Variants in CACNA2D1 observed in about 807,000 individuals in gnomAD.
CACNA2D1 encodes the protein voltage-dependent calcium channel subunit alpha-2/delta-1.
Under a neutral mutation model 171.5 loss-of-function variants are expected in CACNA2D1, and 53 were observed. The ratio of observed to expected loss-of-function variants is 0.31; its 90% confidence interval spans 0.25 to 0.39. The LOEUF (loss-of-function observed/expected upper bound fraction) is 0.39. CACNA2D1 is among the 10% of genes least tolerant of loss of function. CACNA2D1 has a pLI of 1.00. For missense variants in CACNA2D1, 903 were observed against 1,299.8 expected (o/e 0.69, Z 4.69); for synonymous variants, 442 against 443.1 (o/e 1.00, Z 0.03).
chr7:82,117,498 T>C (rs1184947352), intron 5 of CACNA2D1, among the ~76,000 whole-genome samples: 1 of 152,118 alleles, frequency 6.6e-6, no homozygotes. Flanking sequence ...CTTAAAGAAT[T>C]GGATAGGCCA....
chr7:81,951,726 T>G (rs1173288240), intron 38 of CACNA2D1, among the ~76,000 whole-genome samples: 3 of 152,136 alleles, frequency 2.0e-5, no homozygotes, highest in Non-Finnish European at 4.4e-5. Flanking sequence ...CCACATTTTC[T>G]TTAATCATTG....
At chr7:82,014,245 ATG>A (rs1163183041) in intron 13 of CACNA2D1, among the ~76,000 whole-genome samples, 154 bp downstream of exon 13, 1 of 152,138 alleles carries the variant, frequency 6.6e-6, no homozygotes, top group Non-Finnish European at 1.5e-5. Context: ...CAAAATTGGT[ATG>A]TGTTTTCTCT....
intron 1 of CACNA2D1, among the ~76,000 whole-genome samples, chr7:82,429,860 G>A (rs1829524514): frequency 6.6e-6 from 1 of 152,082 alleles, no homozygotes; most frequent in Non-Finnish European, 1.5e-5. Context: ...TATATCGACA[G>A]GAAAATCAGG....
intron 38 of CACNA2D1, among the ~76,000 whole-genome samples, chr7:81,952,139 C>CA (rs1792677052): frequency 6.6e-6 from 1 of 151,024 alleles, no homozygotes; most frequent in African/African-American, 2.4e-5. Context: ...TTTTTGAGAA[C>CA]TGTCTATTCA....
intron 9 of CACNA2D1, among the ~76,000 whole-genome samples, chr7:82,062,211 G>A (rs1018374263): frequency 1.3e-5 from 2 of 152,150 alleles, no homozygotes; most frequent in African/African-American, 4.8e-5. Flanking sequence ...ATCAGCCTGT[G>A]AAGCTAGAAA....
At chr7:82,339,701 G>C (rs1253300502) in intron 2 of CACNA2D1, among the ~76,000 whole-genome samples, 1 of 152,184 alleles carries the variant, frequency 6.6e-6, no homozygotes, top group Non-Finnish European at 1.5e-5. Flanking sequence ...GGTTTAAGTA[G>C]AAGTAGAACT....
In CACNA2D1 at chr7:82,288,344, ATTGT is replaced by A. The variant is rs534624924; in HGVS notation, c.294+46787_294+46790del. On this transcript the variant is annotated intron_variant, in intron 3 of 38. Transcript: ENST00000356860. ...TTTAATAAAATTACAGGAAGAGAAG[ATTGT>A]TTGGGGCAGTTAAGGTAACTGAAGG... 2.2e-3 allele frequency among the ~76,000 whole-genome samples: 332 copies of A among 152,142 alleles called. 2 individuals are homozygous for A. Among genetic ancestry groups the A allele is most frequent in the Middle Eastern group, 6.8e-3 (2 of 294 alleles).
chr7:82,022,609 A>G (rs1397687795), intron 12 of CACNA2D1, among the ~76,000 whole-genome samples: 1 of 151,856 alleles, frequency 6.6e-6, no homozygotes, highest in East Asian at 1.9e-4. Context: ...TTTCCTTACT[A>G]TCTGTTGAAA....
At chr7:82,124,739 G>T (rs958732572) in intron 5 of CACNA2D1, among the ~76,000 whole-genome samples, 4 of 152,000 alleles carry the variant, frequency 2.6e-5, no homozygotes, top group African/African-American at 7.2e-5. Flanking sequence ...ATTGCTTTCT[G>T]CATTTTATCC....
intron 1 of CACNA2D1, among the ~76,000 whole-genome samples, chr7:82,352,531 CTT>C (rs1343558697): frequency 1.3e-5 from 2 of 152,112 alleles, no homozygotes; most frequent in Non-Finnish European, 2.9e-5. Flanking sequence ...CATTGTTGTT[CTT>C]TGTTAATCCA....
At chr7:82,202,742 C>T (rs183152189) in intron 3 of CACNA2D1, among the ~76,000 whole-genome samples, 7 of 152,102 alleles carry the variant, frequency 4.6e-5, no homozygotes, top group Admixed American at 3.3e-4. Flanking sequence ...GGCCTGGGTC[C>T]GTTGTCTCAG....
At chr7:82,373,924 T>G (rs1041965556) in intron 1 of CACNA2D1, among the ~76,000 whole-genome samples, 1 of 152,190 alleles carries the variant, frequency 6.6e-6, no homozygotes, top group Non-Finnish European at 1.5e-5. Flanking sequence ...AAATCATAGT[T>G]TCAAACAATA....
intron 4 of CACNA2D1, among the ~76,000 whole-genome samples, chr7:82,151,973 T>A (rs910885463): frequency 3.3e-5 from 5 of 152,068 alleles, no homozygotes; most frequent in African/African-American, 1.2e-4. Flanking sequence ...TATATTTTTG[T>A]CCACTTTCAT....
At position 81,949,025 on chromosome 7, in the gene CACNA2D1, C is replaced by T. The variant is rs1199099697; in HGVS notation, c.*1367G>A. ...TATTTGTTCAGATTATTGTAAAACC[C>T]TTATCAACTTGCATGGAAATTTTGG... On this transcript the variant is annotated 3_prime_UTR_variant, in exon 39 of 39. Transcript: ENST00000356860. 1 of 151,870 alleles carries T rather than the reference C, an allele frequency of 6.6e-6. No individual in the cohort carries two copies. Among genetic ancestry groups the T allele is most frequent in the South Asian group, 2.1e-4 (1 of 4,824 alleles). The allele number at this position is 151,870 out of a possible 1,614,324, so 9.4% of individuals were successfully genotyped here.
chr7:82,275,111 G>C (rs1809156361), intron 3 of CACNA2D1, among the ~76,000 whole-genome samples: 1 of 152,120 alleles, frequency 6.6e-6, no homozygotes, highest in Non-Finnish European at 1.5e-5. Context: ...ACAATGCACA[G>C]CTTTTTCCAT....
chr7:82,235,069 A>T (rs1803395222), intron 3 of CACNA2D1, among the ~76,000 whole-genome samples: 1 of 152,166 alleles, frequency 6.6e-6, no homozygotes, highest in Admixed American at 6.5e-5. Flanking sequence ...AATTACCAAA[A>T]TATGCTCCCC....
chr7:82,188,422 A>G (rs1797978203), intron 3 of CACNA2D1, among the ~76,000 whole-genome samples: 1 of 152,058 alleles, frequency 6.6e-6, no homozygotes, highest in Non-Finnish European at 1.5e-5. Flanking sequence ...GGCTGATTGA[A>G]TGTTGACTAA....
chr7:82,006,763 C>A (rs926952848), intron 16 of CACNA2D1, among the ~76,000 whole-genome samples: 1 of 151,950 alleles, frequency 6.6e-6, no homozygotes, highest in Non-Finnish European at 1.5e-5. Context: ...ATATTTAGAA[C>A]CTGCAGATAG....
intron 3 of CACNA2D1, among the ~76,000 whole-genome samples, chr7:82,206,516 G>T (rs1800015983): frequency 6.6e-6 from 1 of 151,892 alleles, no homozygotes; most frequent in African/African-American, 2.4e-5. Flanking sequence ...TAGATACTTA[G>T]GAAACAAAAT....
Sources: gnomAD v4.1 joint callset for allele counts (sites outside exome capture counted in the v4.1 genomes callset) on GRCh38, gnomAD v4.1.1 for gene constraint, MANE v1.5 for transcripts, NCBI Gene and HGNC (gene_info 2026-07-23, HGNC 2026-07-21) for gene names.